PCDH9: variants seen among roughly 807,000 people sequenced by gnomAD.
PCDH9 encodes the protein protocadherin-9.
PCDH9 carries 24 observed loss-of-function variants against 70.6 expected under a neutral mutation model. The observed-to-expected ratio is 0.34, with a 90% confidence interval of 0.25 to 0.48. The LOEUF (loss-of-function observed/expected upper bound fraction) is 0.48. Ranked by LOEUF, PCDH9 falls within the 20% of genes least tolerant of loss-of-function variation. The probability of loss-of-function intolerance (pLI) is 0.99; values close to 1 mark genes in which losing one functional copy is unlikely to be tolerated. For missense variants in PCDH9, 1,281 were observed against 1,503.6 expected, an observed-to-expected ratio of 0.85 and a Z score of 2.45; for synonymous variants, 562 against 558.5, an observed-to-expected ratio of 1.01 and a Z score of -0.09.
chr13:67,033,837 T>G (rs1478189192), intron 2 of PCDH9, among the ~76,000 whole-genome samples: 1 of 152,086 alleles, frequency 6.6e-6, no homozygotes, highest in Non-Finnish European at 1.5e-5. Context: ...CTTTGAAGGG[T>G]TGGTGCTCAC....
chr13:66,343,653 G>A (rs1040724903), intron 4 of PCDH9, among the ~76,000 whole-genome samples: 11 of 152,190 alleles, frequency 7.2e-5, no homozygotes, highest in Admixed American at 6.5e-5. Context: ...GCACTCACGT[G>A]ACTAAGTGCT....
chr13:66,487,894 T>C (rs1958971647), intron 4 of PCDH9, among the ~76,000 whole-genome samples: 1 of 152,200 alleles, frequency 6.6e-6, no homozygotes, highest in Non-Finnish European at 1.5e-5. Flanking sequence ...AGTGAAACTT[T>C]GGATGAGAAC....
chr13:66,966,333 A>G (rs1402511066), intron 2 of PCDH9, among the ~76,000 whole-genome samples: 4 of 152,118 alleles, frequency 2.6e-5, no homozygotes, highest in Non-Finnish European at 5.9e-5. Flanking sequence ...AAAAATACCA[A>G]TCTGAATAAG....
chr13:67,024,799 T>C (rs1261875750), intron 2 of PCDH9, among the ~76,000 whole-genome samples: 1 of 152,134 alleles, frequency 6.6e-6, no homozygotes. Context: ...TGCTATTATA[T>C]TGCAAATAGT....
At chr13:66,955,144 C>T (rs549795133) in intron 2 of PCDH9, among the ~76,000 whole-genome samples, 1 of 152,268 alleles carries the variant, frequency 6.6e-6, no homozygotes, top group East Asian at 1.9e-4. Context: ...TACTTAAAGC[C>T]TCTTGCCAGG....
intron 4 of PCDH9, among the ~76,000 whole-genome samples, chr13:66,578,852 CCA>C (rs1178082254): frequency 6.6e-6 from 1 of 152,166 alleles, no homozygotes; most frequent in East Asian, 1.9e-4. Context: ...CTGTTCTCTG[CCA>C]ACTAGCCACA....
chr13:66,559,702 A>T (rs1477555656), intron 4 of PCDH9, among the ~76,000 whole-genome samples: 11 of 148,052 alleles, frequency 7.4e-5, no homozygotes, highest in Non-Finnish European at 1.6e-4. Context: ...CAGGAGGCTG[A>T]GGCAGGAGAA....
chr13:67,031,706 A>G lies in PCDH9; in HGVS notation c.3037-128101T>C, dbSNP rs778782880. Among the ~76,000 whole-genome samples the G allele has an allele frequency of 4.1e-4, 63 of 152,178 alleles. 4 individuals carry two copies. The highest frequency in any genetic ancestry group is 2.9e-5 in the Non-Finnish European group (2 of 68,036). On this transcript the variant is annotated intron_variant, in intron 2 of 4. Transcript: ENST00000377865. ...CTCAAATAATAAAAATAATAATCACATAATTATACAAAATATTAGATTTTT... is the reference window on the plus strand; with the variant it reads ...CTCAAATAATAAAAATAATAATCACGTAATTATACAAAATATTAGATTTTT...
intron 4 of PCDH9, among the ~76,000 whole-genome samples, chr13:66,497,448 A>G (rs985783225): frequency 8.5e-5 from 13 of 152,172 alleles, no homozygotes; most frequent in African/African-American, 3.1e-4. Flanking sequence ...GCGAAATCCT[A>G]CTTATGTAGT....
chr13:66,728,693 A>G (rs1016414367), intron 3 of PCDH9, among the ~76,000 whole-genome samples: 2 of 152,048 alleles, frequency 1.3e-5, no homozygotes, highest in Middle Eastern at 3.2e-3. Flanking sequence ...TAATTGTCTG[A>G]TTCTGGAAAC....
At chr13:67,186,630 A>C in intron 2 of PCDH9, among the ~76,000 whole-genome samples, 1 of 152,174 alleles carries the variant, frequency 6.6e-6, no homozygotes, top group Non-Finnish European at 1.5e-5. Flanking sequence ...AGGATGATTA[A>C]AGTAAGGAGG....
At chr13:66,979,709 C>A (rs182679296) in intron 2 of PCDH9, among the ~76,000 whole-genome samples, 2 of 152,096 alleles carry the variant, frequency 1.3e-5, no homozygotes, top group African/African-American at 4.8e-5. Context: ...CATATCCCCC[C>A]CTTACAACTC....
chr13:66,619,545 G>A (rs2077397811), intron 4 of PCDH9, among the ~76,000 whole-genome samples: 1 of 152,022 alleles, frequency 6.6e-6, no homozygotes, highest in Admixed American at 6.6e-5. Flanking sequence ...TAAGATACAT[G>A]TTTTGCTGCT....
intron 2 of PCDH9, among the ~76,000 whole-genome samples, chr13:66,933,441 T>C (rs535633858): frequency 9.1e-4 from 138 of 152,324 alleles, no homozygotes; most frequent in Non-Finnish European, 1.5e-3. Context: ...TTGTAGTTGG[T>C]ATTCTTTCAT....
chr13:66,699,623 G>C (rs2078610557), intron 3 of PCDH9, among the ~76,000 whole-genome samples: 1 of 152,150 alleles, frequency 6.6e-6, no homozygotes. Flanking sequence ...CAGAAGCTGG[G>C]AGAGAGACAT....
intron 4 of PCDH9, among the ~76,000 whole-genome samples, chr13:66,379,610 G>A (rs538098516): frequency 6.6e-6 from 1 of 152,162 alleles, no homozygotes; most frequent in South Asian, 2.1e-4. Context: ...ACAGACCAAG[G>A]TAATGCTTAC....
chr13:66,677,919 T>G (rs1176726300), intron 3 of PCDH9, among the ~76,000 whole-genome samples: 1 of 152,164 alleles, frequency 6.6e-6, no homozygotes, highest in South Asian at 2.1e-4. Context: ...AATATTCTGC[T>G]TCAGTGATAG....
At chr13:66,506,159 G>T (rs1238037628) in intron 4 of PCDH9, among the ~76,000 whole-genome samples, 2 of 152,142 alleles carry the variant, frequency 1.3e-5, no homozygotes, top group African/African-American at 2.4e-5. Context: ...TCCTTGTCAA[G>T]TAGATGCTCA....
chr13:67,150,831 T>C (rs750138675), intron 2 of PCDH9, among the ~76,000 whole-genome samples: 1 of 152,222 alleles, frequency 6.6e-6, no homozygotes, highest in Non-Finnish European at 1.5e-5. Context: ...ATCTTTCCAC[T>C]GCACTACTAT....
Sources: allele counts gnomAD v4.1 joint callset (sites outside exome capture counted in the v4.1 genomes callset), GRCh38; gene constraint gnomAD v4.1.1; transcripts MANE v1.5; gene names NCBI Gene and HGNC (gene_info 2026-07-23, HGNC 2026-07-21).